Variants in ADAMTSL2 observed in about 807,000 individuals in gnomAD.
ADAMTSL2 encodes the protein ADAMTS-like protein 2.
A neutral mutation model predicts 117.0 loss-of-function variants in ADAMTSL2; 55 were observed. That is an observed-to-expected ratio of 0.47 (90% CI 0.38 to 0.59). ADAMTSL2 has a LOEUF of 0.59. Ranked by LOEUF, ADAMTSL2 falls within the 20% of genes least tolerant of loss-of-function variation. The pLI is 0.00. For missense variants in ADAMTSL2, 1,182 were observed against 1,354.5 expected, an observed-to-expected ratio of 0.87 and a Z score of 2.00; for synonymous variants, 572 against 566.4, an observed-to-expected ratio of 1.01 and a Z score of -0.14.
rs2131145202 is a variant in ADAMTSL2, at chr9:133,557,483, T to A, written c.1649+1553T>A. On this transcript the variant is annotated intron_variant, in intron 11 of 18. Transcript: ENST00000651351. The surrounding 1 kb of genome is among the most constrained non-coding windows in gnomAD (Gnocchi z 5.2). ...TGGGTAGGTGGGGCCTGTGGCTGGT[T>A]CTCAGGACTCGGGCGGGGAGGGCCG... Among the ~76,000 whole-genome samples the A allele has an allele frequency of 6.6e-6, 1 of 152,202 alleles. No homozygotes were observed. The highest frequency in any genetic ancestry group is 2.1e-4 in the South Asian group (1 of 4,820).
rs540242578 is a variant in ADAMTSL2 at position 133,539,638 on chromosome 9, G to A, written c.310-133G>A. ...CAGGAGCCCTAGAGGCCACCCCGTG[G>A]GCCGTGGCCCCCGCACGGCTGTCCC... On this transcript the variant is annotated intron_variant, in intron 4 of 18. Transcript: ENST00000651351. 1.7e-4 allele frequency: 150 copies of A among 892,790 alleles called. 1 individual carries two copies. The highest frequency in any genetic ancestry group is 1.0e-3 in the South Asian group (67 of 65,514). The allele number at this position is 892,790 out of a possible 1,614,324, so 55.3% of individuals were successfully genotyped here.
In ADAMTSL2 at chr9:133,573,731, C is replaced by T. The variant is rs916887939; in HGVS notation, c.2593-112C>T. ...TCCTGTGTCAGTTGGGACTCATGGCCGCCTGGGAAGGGTGGGGTGGGGAAG... is the reference window on the plus strand; with the variant it reads ...TCCTGTGTCAGTTGGGACTCATGGCTGCCTGGGAAGGGTGGGGTGGGGAAG... On this transcript the variant is annotated intron_variant, in intron 17 of 18. Coordinates refer to ENST00000651351, the MANE Select transcript of ADAMTSL2 (RefSeq NM_014694.4). 86 of 1,402,882 alleles carry T rather than the reference C, an allele frequency of 6.1e-5. No homozygotes were observed. In the East Asian group the frequency reaches 1.2e-3, roughly 19 times the overall value. 86.9% of individuals were successfully genotyped at this position (1,402,882 alleles called of 1,614,324 possible).
chr9:133,541,113 C>A, intron 7 of ADAMTSL2, 112 bp downstream of exon 7: 1 of 1,441,644 alleles, frequency 6.9e-7, no homozygotes, highest in Non-Finnish European at 9.5e-7. Context: ...TTCTTCCCCT[C>A]TAGGGGCACC....
In ADAMTSL2 at chr9:133,569,474, G is replaced by A. The variant is rs1281704165; in HGVS notation, c.2311G>A (p.Val771Ile). Reference sequence around the variant, plus strand: ...GTACTGCAAGACCAGCGACGGACGGGTAGTACCTGAGTCCCAGTGCCAGAT... The same window carrying A: ...GTACTGCAAGACCAGCGACGGACGGATAGTACCTGAGTCCCAGTGCCAGAT... ...HVYCKTSDGR[V>I]VPESQCQMET... Residue 771 changes from valine (V) to isoleucine (I), a missense_variant, in exon 16 of 19, where the codon GTA becomes ATA. By Grantham distance (29) the Val-to-Ile change is conservative (BLOSUM62 3). Transcript: ENST00000651351. 9 of 1,613,464 alleles carry A rather than the reference G, an allele frequency of 5.6e-6. No homozygotes were observed. Among genetic ancestry groups the A allele is most frequent in the Non-Finnish European group, 7.6e-6 (9 of 1,179,986 alleles).
rs1830551974 is a variant in ADAMTSL2 at position 133,554,218 on chromosome 9, T to A, written c.940-139T>A. On this transcript the variant is annotated intron_variant, in intron 9 of 18. Coordinates refer to ENST00000651351, the MANE Select transcript of ADAMTSL2 (RefSeq NM_014694.4). This position sits in a 1 kb window ranked among gnomAD's most constrained non-coding sequence, Gnocchi z 5.2. ...GCAGGAGCACTGCGTTGGGCTGGGC[T>A]AGTCAGTGTCATTCCCTGAGGGGGC... 1.3e-6 allele frequency: 1 copy of A among 779,212 alleles called. No homozygotes were observed. Among genetic ancestry groups the A allele is most frequent in the Admixed American group, 2.7e-5 (1 of 37,452 alleles). 48.3% of individuals were successfully genotyped at this position (779,212 alleles called of 1,614,324 possible).
At position 133,555,576 on chromosome 9, in the gene ADAMTSL2, C is replaced by T. The variant is rs1830586337; in HGVS notation, c.1295C>T (p.Thr432Ile). ...TCTCCAGACCGCAACGTCACGGGGA[C>T]TCCTCTCACCGGGGACAAGGATGAC... ...KGFRDRNVTGTPLTGDKDDEE... is the reference protein window; with the variant it reads ...KGFRDRNVTGIPLTGDKDDEE... Residue 432 changes from threonine (T) to isoleucine (I), a missense_variant, in exon 11 of 19, where the codon ACT becomes ATT. Thr to Ile is a moderately conservative substitution (Grantham distance 89). Coordinates refer to ENST00000651351, the MANE Select transcript of ADAMTSL2 (RefSeq NM_014694.4). 1 of 1,613,124 alleles carries T rather than the reference C, an allele frequency of 6.2e-7. No individual in the cohort carries two copies. The highest frequency in any genetic ancestry group is 1.7e-5 in the Admixed American group (1 of 60,034).
chr9:133,562,360 A>C (rs1830747681), intron 12 of ADAMTSL2, among the ~76,000 whole-genome samples: 1 of 152,258 alleles, frequency 6.6e-6, no homozygotes, highest in African/African-American at 2.4e-5. Flanking sequence ...GGGCATAGCC[A>C]TGGGGCATGC....
Position 133,534,894 on chromosome 9 carries a change from G to T in ADAMTSL2, c.-174G>T. The stretch of plus-strand genomic sequence containing the variant: ...CAGCGCTCGCCCCTTTCTCTGGGAG[G>T]ACAACCTGCTGACCCGAAGCCAGGT... On this transcript the variant is annotated 5_prime_UTR_variant, in exon 1 of 19. Coordinates refer to ENST00000651351, the MANE Select transcript of ADAMTSL2 (RefSeq NM_014694.4). 7.0e-7 allele frequency: 1 copy of T among 1,437,440 alleles called. No homozygotes were observed. The highest frequency in any genetic ancestry group is 1.4e-5 in the South Asian group (1 of 70,126). The allele number at this position is 1,437,440 out of a possible 1,614,324, so 89.0% of individuals were successfully genotyped here. A position where few individuals can be genotyped will look rare whatever the true frequency, so the allele number is the denominator to read the frequency against.
At position 133,536,484 on chromosome 9, in the gene ADAMTSL2, A is replaced by C. The variant is rs11507717; in HGVS notation, c.-150-79A>C. The C allele has an allele frequency of 0.6, 887,241 of 1,476,806 alleles. 268,778 individuals are homozygous for C. Among genetic ancestry groups the C allele is most frequent in the African/African-American group, 0.61 (43,494 of 71,096 alleles). The allele number at this position is 1,476,806 out of a possible 1,614,324, so 91.5% of individuals were successfully genotyped here. A position where few individuals can be genotyped will look rare whatever the true frequency, so the allele number is the denominator to read the frequency against. ...ACACCGCCGCTGGGTGTCTTGCCTG[A>C]AGCAGGCATTACTAATCATTCACCA... is the stretch of plus-strand genomic sequence containing the variant. On this transcript the variant is annotated intron_variant, in intron 1 of 18. Coordinates refer to ENST00000651351, the MANE Select transcript of ADAMTSL2 (RefSeq NM_014694.4).
At chr9:133,552,075 G>A (rs558132638) in intron 9 of ADAMTSL2, among the ~76,000 whole-genome samples, 13 of 152,056 alleles carry the variant, frequency 8.5e-5, no homozygotes, top group Non-Finnish European at 1.3e-4. Context: ...TGATTTGCCC[G>A]CCTCGGCCTC....
intron 9 of ADAMTSL2, among the ~76,000 whole-genome samples, chr9:133,553,878 C>G (rs1204549196): frequency 2.0e-5 from 3 of 152,310 alleles, no homozygotes; most frequent in Non-Finnish European, 4.4e-5. Flanking sequence ...ACTGTTGTCT[C>G]GAATTGAGGC....
intron 1 of ADAMTSL2, among the ~76,000 whole-genome samples, chr9:133,535,566 C>G (rs1012556246): frequency 1.3e-5 from 2 of 152,106 alleles, no homozygotes; most frequent in African/African-American, 4.8e-5. Context: ...CCGAGTTGGC[C>G]TCTGGCCTGG....
intron 18 of ADAMTSL2, 110 bp from the exon 19 acceptor site, chr9:133,574,636 G>A (rs1200190867): frequency 1.5e-5 from 13 of 870,752 alleles, no homozygotes; most frequent in Middle Eastern, 2.1e-4. Flanking sequence ...GACCCACCAC[G>A]GGGTGGGAGG....
chr9:133,568,619 G>C lies in ADAMTSL2; in HGVS notation c.2105G>C (p.Gly702Ala), dbSNP rs1477595219. 4.4e-6 allele frequency: 7 copies of C among 1,609,186 alleles called. No individual in the cohort carries two copies. In the East Asian group the frequency reaches 1.6e-4, roughly 36 times the overall value. ...SEWSECTAKC[G>A]ERSVVTRDIR... is the part of the protein sequence containing the mutation. ...CCGCCCCAGTGCACTGCCAAGTGTG[G>C]GGAGCGCAGTGTGGTGACCAGGGAC... The change falls in exon 15 of 19, where the codon GGG becomes GCG. Residue 702 changes from glycine (G) to alanine (A), a missense_variant. Gly to Ala is a moderately conservative substitution (Grantham distance 60, BLOSUM62 0). Transcript: ENST00000651351.
intron 7 of ADAMTSL2, among the ~76,000 whole-genome samples, chr9:133,542,328 G>A (rs1830244600): frequency 6.6e-6 from 1 of 152,226 alleles, no homozygotes; most frequent in African/African-American, 2.4e-5. Flanking sequence ...TGGAGGCCTC[G>A]CTCTAGGAGC....
rs917843077 is a variant in ADAMTSL2, at chr9:133,554,181, G to C, written c.940-176G>C. 2.0e-5 allele frequency among the ~76,000 whole-genome samples: 3 copies of C among 152,224 alleles called. No individual in the cohort carries two copies. Among genetic ancestry groups the C allele is most frequent in the African/African-American group, 7.2e-5 (3 of 41,466 alleles). On this transcript the variant is annotated intron_variant, in intron 9 of 18. Transcript: ENST00000651351. The surrounding 1 kb of genome is among the most constrained non-coding windows in gnomAD (Gnocchi z 5.2). ...CCCTGTTCCCAGGCTCTTTGACTTG[G>C]ATGCCCCTGGGGCAGGAGCACTGCG...
Position 133,554,557 on chromosome 9 carries a change from C to A in ADAMTSL2, c.1140C>A (p.Gly380=). The part of the protein sequence containing the change: ...LYGQASSERL[G]LDNRLFGHPG... ...GCCAGGCCTCCTCAGAGCGGCTGGGCCTGGACAACCGGCTGTTCGGCCACC... is the reference window on the plus strand; with the variant it reads ...GCCAGGCCTCCTCAGAGCGGCTGGGACTGGACAACCGGCTGTTCGGCCACC... Residue 380 remains glycine, a synonymous_variant, in exon 10 of 19, where the codon GGC becomes GGA. Coordinates refer to ENST00000651351, the MANE Select transcript of ADAMTSL2 (RefSeq NM_014694.4). This position sits in a 1 kb window ranked among gnomAD's most constrained non-coding sequence, Gnocchi z 5.2. The A allele has an allele frequency of 6.5e-7, 1 of 1,547,098 alleles. No individual in the cohort carries two copies.
chr9:133,572,725 G>A (rs3793625), intron 17 of ADAMTSL2, among the ~76,000 whole-genome samples: 5,021 of 152,288 alleles, frequency 0.033, 115 homozygotes, highest in South Asian at 0.11. Flanking sequence ...AGGGCCAGAC[G>A]AGGTGCAGCT....
rs780264406 is a variant in ADAMTSL2 at position 133,536,751 on chromosome 9, C to G, written c.39C>G (p.Phe13Leu). Residue 13 changes from phenylalanine (F) to leucine (L), a missense_variant, in exon 2 of 19, where the codon TTC (phenylalanine) becomes TTG (leucine). Around this residue, in one of 3 missense-constraint regions of ADAMTSL2, gnomAD observed 372 missense variants for 463.4 expected, o/e 0.80. Transcript: ENST00000651351. Reference sequence around the variant, plus strand: ...GGCAATGTTCCTGCTGGGCCTGGTTCCTGCTGGTTCTGGCAGTTGTAGCTG... The same window carrying G: ...GGCAATGTTCCTGCTGGGCCTGGTTGCTGCTGGTTCTGGCAGTTGTAGCTG... ...GRWQCSCWAW[F>L]LLVLAVVAGD... 1 of 1,614,204 alleles carries G rather than the reference C, an allele frequency of 6.2e-7. No homozygotes were observed. The highest frequency in any genetic ancestry group is 1.7e-5 in the Admixed American group (1 of 60,032).
Sources: allele counts gnomAD v4.1 joint callset (sites outside exome capture counted in the v4.1 genomes callset), GRCh38; gene constraint gnomAD v4.1.1; regional missense constraint gnomAD v4.1.1; non-coding constraint Gnocchi (gnomAD v3.1); transcripts MANE v1.5; gene names NCBI Gene and HGNC (gene_info 2026-07-23, HGNC 2026-07-21).